Variants in DACH2 observed in about 807,000 individuals in gnomAD.
DACH2 encodes dachshund homolog 2.
Under a neutral mutation model 35.8 loss-of-function variants are expected in DACH2, and 17 were observed. That is an observed-to-expected ratio of 0.48 (90% CI 0.33 to 0.71). DACH2 has a LOEUF of 0.71. Ranked by LOEUF, DACH2 falls within the 30% of genes least tolerant of loss-of-function variation. DACH2 has a pLI of 0.02. For synonymous variants in DACH2, 195 were observed against 177.3 expected (o/e 1.10, Z -0.79); for missense variants, 469 against 472.7 (o/e 0.99, Z 0.07).
intron 5 of DACH2, among the ~76,000 whole-genome samples, chrX:86,711,752 G>A (rs1234362872): frequency 1.8e-5 from 2 of 112,164 alleles, no homozygotes; most frequent in Non-Finnish European, 3.8e-5. Flanking sequence ...AGGGCATTAC[G>A]GTCAATTGAC....
intron 2 of DACH2, among the ~76,000 whole-genome samples, chrX:86,461,400 G>C (rs945477518): frequency 9.0e-6 from 1 of 111,136 alleles, no homozygotes; most frequent in East Asian, 2.8e-4. Context: ...TGTTGTATTG[G>C]GGGGTGGATT....
intron 1 of DACH2, among the ~76,000 whole-genome samples, chrX:86,343,079 G>T (rs1347780828): frequency 8.9e-6 from 1 of 111,928 alleles, no homozygotes; most frequent in African/African-American, 3.2e-5. Context: ...CATGCACTGG[G>T]CAACCCATAA....
intron 1 of DACH2, among the ~76,000 whole-genome samples, chrX:86,365,489 A>G (rs1284135129): frequency 8.9e-6 from 1 of 111,823 alleles, no homozygotes; most frequent in East Asian, 2.8e-4. Flanking sequence ...CAAGATAAAA[A>G]GTATTACAAT....
intron 1 of DACH2, among the ~76,000 whole-genome samples, chrX:86,344,323 CATAT>C (rs761609271): frequency 1.1e-5 from 1 of 90,226 alleles, no homozygotes. Flanking sequence ...CTTGGAAGTG[CATAT>C]ATATATATAT....
At chrX:86,739,706 C>T (rs959548593) in intron 6 of DACH2, 41 bp from the exon 7 acceptor site, 32 of 1,161,014 alleles carry the variant, frequency 2.8e-5, no homozygotes, top group South Asian at 5.7e-5. Context: ...AAAAACTTGG[C>T]GCATAGATGA....
At chrX:86,726,920 T>G (rs1157008263) in intron 6 of DACH2, among the ~76,000 whole-genome samples, 1 of 112,276 alleles carries the variant, frequency 8.9e-6, no homozygotes, top group Non-Finnish European at 1.9e-5. Flanking sequence ...CATCAGTCTC[T>G]GCTGAATTTT....
At position 86,552,639 on chromosome X, in the gene DACH2, C is replaced by A. The variant is rs143359464; in HGVS notation, c.640+38248C>A. On this transcript the variant is annotated intron_variant, in intron 3 of 11. Coordinates refer to ENST00000373125, the MANE Select transcript of DACH2 (RefSeq NM_053281.3). ...TGCATGGTATGCCTGACTTTAGCTG[C>A]ACATGTAGTCAAGTGTACTATAATT... Among the ~76,000 whole-genome samples the A allele has an allele frequency of 5.7e-3, 638 of 112,183 alleles. 7 individuals are homozygous for A. Among genetic ancestry groups the A allele is most frequent in the African/African-American group, 0.019 (573 of 30,971 alleles).
intron 2 of DACH2, among the ~76,000 whole-genome samples, chrX:86,435,464 T>C (rs1054740451): frequency 4.5e-5 from 5 of 111,962 alleles, no homozygotes; most frequent in African/African-American, 1.3e-4. Context: ...AATCACATAA[T>C]AAAATATTAA....
In DACH2 at chrX:86,300,235, G is replaced by GA. The variant is rs149517354; in HGVS notation, c.489-76579dup. 7.0e-3 allele frequency among the ~76,000 whole-genome samples: 744 copies of GA among 106,911 alleles called. 10 individuals carry two copies. The highest frequency in any genetic ancestry group is 0.023 in the African/African-American group (684 of 29,565). 92.8% of individuals were successfully genotyped at this position (106,911 alleles called of 115,157 possible). On this transcript the variant is annotated intron_variant, in intron 1 of 11. Coordinates refer to ENST00000373125, the MANE Select transcript of DACH2 (RefSeq NM_053281.3). ...AAGGAACTGAACTTTACTTCTTTGC[G>GA]AAAAAAAAAATTGCATAATAGTGCT...
chrX:86,244,288 T>C (rs80216802), intron 1 of DACH2, among the ~76,000 whole-genome samples: 30 of 112,074 alleles, frequency 2.7e-4, no homozygotes, highest in African/African-American at 9.1e-4. Context: ...TCTGAGTCAA[T>C]TGATTATCCC....
intron 1 of DACH2, among the ~76,000 whole-genome samples, chrX:86,168,084 T>C (rs763817612): frequency 9.0e-6 from 1 of 111,684 alleles, no homozygotes; most frequent in Non-Finnish European, 1.9e-5. Context: ...TTAAGTCTGA[T>C]GTTTCATTTT....
At chrX:86,305,454 G>A (rs778660836) in intron 1 of DACH2, among the ~76,000 whole-genome samples, 2 of 111,766 alleles carry the variant, frequency 1.8e-5, no homozygotes, top group Non-Finnish European at 3.8e-5. Flanking sequence ...TCAAATGTAA[G>A]GCTCGAAACT....
At chrX:86,278,222 C>A (rs1054710977) in intron 1 of DACH2, among the ~76,000 whole-genome samples, 9 of 112,050 alleles carry the variant, frequency 8.0e-5, no homozygotes, top group Non-Finnish European at 1.7e-4. Flanking sequence ...CTGCAGCCAT[C>A]ATTAGTCAAC....
chrX:86,395,756 A>C (rs1308622933), intron 2 of DACH2, among the ~76,000 whole-genome samples: 2 of 112,132 alleles, frequency 1.8e-5, no homozygotes, highest in Admixed American at 9.5e-5. Context: ...CATGGTGTAT[A>C]TGTGCCACAT....
intron 1 of DACH2, among the ~76,000 whole-genome samples, chrX:86,261,601 A>G (rs2033626656): frequency 1.8e-5 from 2 of 111,864 alleles, no homozygotes; most frequent in Admixed American, 1.9e-4. Context: ...TAAAACTGCC[A>G]AAAATGATTG....
At chrX:86,161,297 A>G (rs1238729447) in intron 1 of DACH2, 9 of 1,182,203 alleles carry the variant, frequency 7.6e-6, no homozygotes, top group Non-Finnish European at 1.0e-5. Context: ...ATTCACCAAC[A>G]CCAGCAGCAA....
chrX:86,408,834 A>C (rs1364006224), intron 2 of DACH2, among the ~76,000 whole-genome samples: 1 of 112,132 alleles, frequency 8.9e-6, no homozygotes, highest in African/African-American at 3.2e-5. Context: ...TACAGGTATC[A>C]ATAAATTTGT....
chrX:86,462,576 G>A (rs1024962095), intron 2 of DACH2, among the ~76,000 whole-genome samples: 4 of 111,101 alleles, frequency 3.6e-5, no homozygotes, highest in African/African-American at 1.3e-4. Context: ...GTGGAGAATT[G>A]CAGAATACCT....
At chrX:86,432,979 C>A (rs2037009291) in intron 2 of DACH2, among the ~76,000 whole-genome samples, 2 of 111,652 alleles carry the variant, frequency 1.8e-5, no homozygotes, top group South Asian at 3.7e-4. Flanking sequence ...TGGACCCAGA[C>A]TCTTCAGTTT....
Sources: allele counts gnomAD v4.1 joint callset (sites outside exome capture counted in the v4.1 genomes callset), GRCh38; gene constraint gnomAD v4.1.1; transcripts MANE v1.5; gene names NCBI Gene and HGNC (gene_info 2026-07-23, HGNC 2026-07-21).